ADGRB3: variants seen among roughly 807,000 people sequenced by gnomAD.
The protein encoded by ADGRB3 is brain-specific angiogenesis inhibitor 3.
A neutral mutation model predicts 193.4 loss-of-function variants in ADGRB3; 37 were observed. That is an observed-to-expected ratio of 0.19 (90% confidence interval 0.15 to 0.25). The LOEUF (loss-of-function observed/expected upper bound fraction) is 0.25, where lower values mean the gene tolerates loss of function less well. ADGRB3 is among the 10% of genes least tolerant of loss of function. The probability of loss-of-function intolerance (pLI) is 1.00; values close to 1 mark genes in which losing one functional copy is unlikely to be tolerated. For synonymous variants in ADGRB3, 690 were observed against 644.2 expected (o/e 1.07, Z -1.08); for missense variants, 1,637 against 1,852.9 (o/e 0.88, Z 2.14).
At chr6:69,334,209 C>T (rs1160913719) in intron 24 of ADGRB3, among the ~76,000 whole-genome samples, 1 of 151,840 alleles carries the variant, frequency 6.6e-6, no homozygotes, top group Non-Finnish European at 1.5e-5. Context: ...TCATTCAAAA[C>T]TTACCCATGT....
chr6:69,278,131 T>A (rs1197677249), intron 20 of ADGRB3, among the ~76,000 whole-genome samples: 2 of 152,212 alleles, frequency 1.3e-5, no homozygotes, highest in Non-Finnish European at 1.5e-5. Flanking sequence ...GGCTTTGAGA[T>A]GCAAAATTCA....
At chr6:69,083,611 T>C (rs1772457980) in intron 17 of ADGRB3, among the ~76,000 whole-genome samples, 1 of 152,122 alleles carries the variant, frequency 6.6e-6, no homozygotes, top group African/African-American at 2.4e-5. Flanking sequence ...GAATAAGTAA[T>C]GCCATTTAAT....
chr6:69,346,945 C>T (rs1769103621), intron 26 of ADGRB3, among the ~76,000 whole-genome samples: 1 of 152,172 alleles, frequency 6.6e-6, no homozygotes, highest in South Asian at 2.1e-4. Flanking sequence ...ATAGCAAAGA[C>T]TTGGAACTAA....
intron 3 of ADGRB3, among the ~76,000 whole-genome samples, chr6:68,699,789 C>A (rs981945396): frequency 6.7e-6 from 1 of 150,344 alleles, no homozygotes; most frequent in Non-Finnish European, 1.5e-5. Flanking sequence ...GTCCTAGGGA[C>A]CTCTTTCCCT....
chr6:69,354,281 A>G lies in ADGRB3; in HGVS notation c.3508A>G (p.Asn1170Asp). The change falls in exon 27 of 32, where the codon AAT (asparagine) becomes GAT (aspartate). Residue 1170 changes from asparagine to aspartate, a missense_variant. Asn to Asp is a conservative substitution (Grantham distance 23). This residue lies in a region of ADGRB3 where 116 missense variants were observed against 168.1 expected (regional missense o/e 0.69). Transcript: ENST00000370598. ...CRLRNCQDPI[N>D]ADSSSSFPNG... Reference sequence around the variant, plus strand: ...ATTGAGAAACTGTCAGGATCCCATCAATGCAGATTCTTCGAGTTCGTTTCC... The same window carrying G: ...ATTGAGAAACTGTCAGGATCCCATCGATGCAGATTCTTCGAGTTCGTTTCC... The G allele has an allele frequency of 1.2e-6, 2 of 1,614,096 alleles. No individual in the cohort carries two copies. The highest frequency in any genetic ancestry group is 1.7e-6 in the Non-Finnish European group (2 of 1,179,984).
chr6:69,277,813 G>A (rs557488986), intron 20 of ADGRB3, among the ~76,000 whole-genome samples: 1 of 152,238 alleles, frequency 6.6e-6, no homozygotes, highest in Admixed American at 6.5e-5. Flanking sequence ...GGTCACTCTT[G>A]CTTTAGTTTC....
At chr6:68,762,563 G>T (rs527313588) in intron 3 of ADGRB3, among the ~76,000 whole-genome samples, 4 of 147,074 alleles carry the variant, frequency 2.7e-5, no homozygotes, top group African/African-American at 9.8e-5. Flanking sequence ...TGAATAAATA[G>T]GACTAGTAAA....
At chr6:68,829,516 A>G (rs1767914787) in intron 3 of ADGRB3, among the ~76,000 whole-genome samples, 1 of 152,152 alleles carries the variant, frequency 6.6e-6, no homozygotes, top group Admixed American at 6.5e-5. Flanking sequence ...GAATTTTCTG[A>G]TACAAAGTCA....
chr6:69,045,202 C>T (rs74483859), intron 13 of ADGRB3, among the ~76,000 whole-genome samples: 35 of 152,224 alleles, frequency 2.3e-4, no homozygotes, highest in African/African-American at 8.2e-4. Flanking sequence ...GTTCTAGTGT[C>T]TTGTACAAGA....
chr6:69,203,798 A>C (rs765351483), intron 17 of ADGRB3, among the ~76,000 whole-genome samples: 1 of 152,152 alleles, frequency 6.6e-6, no homozygotes, highest in South Asian at 2.1e-4. Context: ...TTTGAATCTC[A>C]TGGTTTAATT....
intron 17 of ADGRB3, among the ~76,000 whole-genome samples, chr6:69,190,368 TAAC>T: frequency 6.6e-6 from 1 of 151,932 alleles, no homozygotes; most frequent in African/African-American, 2.4e-5. Flanking sequence ...TCTTAGTTTT[TAAC>T]AACAACAACA....
At chr6:69,213,040 A>T (rs1765699616) in intron 17 of ADGRB3, among the ~76,000 whole-genome samples, 2 of 152,200 alleles carry the variant, frequency 1.3e-5, no homozygotes. Context: ...AATGAGATAC[A>T]TTAGTGCGGC....
At position 68,770,227 on chromosome 6, in the gene ADGRB3, AAC is replaced by A. The variant is rs746444258; in HGVS notation, c.757+130799_757+130800del. Among the ~76,000 whole-genome samples the A allele has an allele frequency of 9.9e-5, 15 of 152,266 alleles. No homozygotes were observed. In the South Asian group the frequency reaches 1.2e-3, roughly 13 times the overall value. On this transcript the variant is annotated intron_variant, in intron 3 of 31. Transcript: ENST00000370598. ...GGAAGGAATACATTAAGGGAACAAC[AAC>A]ACAGTCTGATAAGTGGTTGCCAAAA... is the stretch of plus-strand genomic sequence containing the variant.
At chr6:68,886,525 G>A (rs1435826889) in intron 3 of ADGRB3, among the ~76,000 whole-genome samples, 2 of 151,930 alleles carry the variant, frequency 1.3e-5, no homozygotes, top group Admixed American at 1.3e-4. Context: ...ATACACCTAA[G>A]CACAGTTCAT....
At position 69,079,743 on chromosome 6, in the gene ADGRB3, A is replaced by G. The variant is rs184377068; in HGVS notation, c.2480+3705A>G. Among the ~76,000 whole-genome samples the G allele has an allele frequency of 1.9e-3, 282 of 152,142 alleles. 1 individual carries two copies. The highest frequency in any genetic ancestry group is 3.1e-3 in the Non-Finnish European group (212 of 67,914). On this transcript the variant is annotated intron_variant, in intron 17 of 31. Transcript: ENST00000370598. The stretch of plus-strand genomic sequence containing the variant: ...GAGTATTAGATCATGCGTGGTGACT[A>G]CATTTCCTGGAAAACCTATAATCCC...
At chr6:69,292,247 T>C (rs1767702405) in intron 20 of ADGRB3, among the ~76,000 whole-genome samples, 1 of 152,184 alleles carries the variant, frequency 6.6e-6, no homozygotes, top group Non-Finnish European at 1.5e-5. Context: ...TCAGGACAGA[T>C]AGAAAGATAT....
intron 20 of ADGRB3, among the ~76,000 whole-genome samples, chr6:69,275,688 CATA>C: frequency 6.6e-6 from 1 of 150,830 alleles, no homozygotes; most frequent in East Asian, 1.9e-4. Flanking sequence ...TTATAGAGGA[CATA>C]ATATAAAAAA....
intron 20 of ADGRB3, among the ~76,000 whole-genome samples, chr6:69,249,663 C>T (rs1766578539): frequency 6.6e-6 from 1 of 152,228 alleles, no homozygotes; most frequent in East Asian, 1.9e-4. Context: ...TCTATCCTAT[C>T]TCACCCTACC....
intron 11 of ADGRB3, among the ~76,000 whole-genome samples, chr6:69,008,629 G>A (rs776327037): frequency 3.4e-4 from 52 of 152,118 alleles, no homozygotes; most frequent in Non-Finnish European, 6.3e-4. Context: ...GGGTAGTGAT[G>A]CATAGGGAGA....
Sources: gnomAD v4.1 joint callset for allele counts (sites outside exome capture counted in the v4.1 genomes callset) on GRCh38, gnomAD v4.1.1 for gene constraint, gnomAD v4.1.1 regional missense constraint, MANE v1.5 for transcripts, NCBI Gene and HGNC (gene_info 2026-07-23, HGNC 2026-07-21) for gene names.